The following MACROD2 variants were observed in gnomAD, a reference collection of about 807,000 sequenced individuals.
The protein encoded by MACROD2 is mono-ADP ribosylhydrolase 2.
In MACROD2, 36 loss-of-function variants were observed where a neutral mutation model predicts 70.4. That is an observed-to-expected ratio of 0.51 (90% confidence interval 0.39 to 0.68). MACROD2 has a LOEUF of 0.68. Among genes scored for constraint, MACROD2 ranks in the 30% least tolerant of loss-of-function variants. MACROD2 has a pLI of 0.00. For synonymous variants in MACROD2, 172 were observed against 178.8 expected (o/e 0.96, Z 0.30); for missense variants, 496 against 538.4 (o/e 0.92, Z 0.78).
chr20:15,368,724 A>C (rs900264780), intron 6 of MACROD2, among the ~76,000 whole-genome samples: 2 of 152,086 alleles, frequency 1.3e-5, no homozygotes, highest in Non-Finnish European at 2.9e-5. Context: ...TGTCCTCCCA[A>C]AATGCTGGGA....
chr20:14,855,615 T>TTG lies in MACROD2; in HGVS notation c.418+170657_418+170658insGT, dbSNP rs1188739012. ...CTACCAAGTTTTTTTTTTTTTTTTT[T>TTG]TTTTTTTTTTTTAATAAGGCACAGC... On this transcript the variant is annotated intron_variant, in intron 5 of 17. Transcript: ENST00000684519. 3.8e-4 allele frequency among the ~76,000 whole-genome samples: 56 copies of TTG among 147,912 alleles called. 1 individual carries two copies. The highest frequency in any genetic ancestry group is 1.0e-4 in the Non-Finnish European group (7 of 67,002).
chr20:15,576,526 G>A (rs1315477242), intron 8 of MACROD2, among the ~76,000 whole-genome samples: 1 of 149,296 alleles, frequency 6.7e-6, no homozygotes, highest in Admixed American at 6.8e-5. Context: ...CCACCAGACT[G>A]ACTAACTTTG....
chr20:15,471,821 C>T (rs2046967339), intron 7 of MACROD2, among the ~76,000 whole-genome samples: 1 of 152,008 alleles, frequency 6.6e-6, no homozygotes, highest in Admixed American at 6.5e-5. Flanking sequence ...CTACCTCTTT[C>T]TCCAGATTGA....
At chr20:15,236,490 T>C (rs943901538) in intron 6 of MACROD2, among the ~76,000 whole-genome samples, 5 of 152,156 alleles carry the variant, frequency 3.3e-5, no homozygotes, top group Non-Finnish European at 5.9e-5. Context: ...GTAATAAGAA[T>C]AGCAAATGTT....
At chr20:14,363,331 G>C (rs1024370659) in intron 3 of MACROD2, among the ~76,000 whole-genome samples, 6 of 152,020 alleles carry the variant, frequency 3.9e-5, no homozygotes, top group Non-Finnish European at 5.9e-5. Flanking sequence ...GAGTAGAGAG[G>C]GTAGATAGCT....
At chr20:15,744,954 CA>C (rs1568537117) in intron 8 of MACROD2, among the ~76,000 whole-genome samples, 1 of 151,694 alleles carries the variant, frequency 6.6e-6, no homozygotes, top group African/African-American at 2.4e-5. Context: ...TTATGTTCTA[CA>C]AAAAAAGATA....
intron 4 of MACROD2, among the ~76,000 whole-genome samples, chr20:14,504,527 C>G (rs1433573863): frequency 6.6e-6 from 1 of 152,126 alleles, no homozygotes; most frequent in Non-Finnish European, 1.5e-5. Flanking sequence ...TTATATGTCT[C>G]TAAACCTTCT....
At chr20:14,740,781 G>GTAA (rs1376708067) in intron 5 of MACROD2, among the ~76,000 whole-genome samples, 2 of 152,110 alleles carry the variant, frequency 1.3e-5, no homozygotes, top group Non-Finnish European at 1.5e-5. Context: ...CTTGGCTTTG[G>GTAA]TAAATATTAA....
intron 3 of MACROD2, chr20:14,223,001 A>G (rs775850520): frequency 3.3e-5 from 5 of 152,234 alleles, no homozygotes; most frequent in East Asian, 1.9e-4. Context: ...AGATATTTGT[A>G]TAGGCTTTGC....
At chr20:15,398,988 T>C (rs2045895661) in intron 6 of MACROD2, among the ~76,000 whole-genome samples, 1 of 152,136 alleles carries the variant, frequency 6.6e-6, no homozygotes, top group African/African-American at 2.4e-5. Context: ...CAGCTTCATA[T>C]TGTTGCTTCT....
At chr20:14,123,304 C>T (rs752530212) in intron 3 of MACROD2, among the ~76,000 whole-genome samples, 20 of 152,226 alleles carry the variant, frequency 1.3e-4, no homozygotes, top group Admixed American at 3.3e-4. Flanking sequence ...GTTACCTCTC[C>T]AATTTGCACT....
At chr20:14,185,585 A>G (rs979943111) in intron 3 of MACROD2, among the ~76,000 whole-genome samples, 3 of 152,188 alleles carry the variant, frequency 2.0e-5, no homozygotes, top group Non-Finnish European at 4.4e-5. Flanking sequence ...ATAACTATAC[A>G]TTTCATTAAT....
At chr20:15,327,622 C>T (rs1343906667) in intron 6 of MACROD2, among the ~76,000 whole-genome samples, 1 of 151,988 alleles carries the variant, frequency 6.6e-6, no homozygotes, top group Non-Finnish European at 1.5e-5. Context: ...TAACTGCCCC[C>T]ATGATTAAAT....
intron 4 of MACROD2, among the ~76,000 whole-genome samples, chr20:14,639,220 C>G (rs79015982): frequency 3.3e-5 from 5 of 151,596 alleles, no homozygotes; most frequent in African/African-American, 1.2e-4. Context: ...TCTAAGGTAA[C>G]CCTCTCCTTT....
chr20:14,049,702 G>A (rs112356525), intron 2 of MACROD2, among the ~76,000 whole-genome samples: 2,337 of 151,782 alleles, frequency 0.015, 20 homozygotes, highest in Non-Finnish European at 0.027. Context: ...ACAGTGAGCC[G>A]AGACTGTGCC....
chr20:15,682,443 A>G (rs2050172667), intron 8 of MACROD2, among the ~76,000 whole-genome samples: 1 of 152,214 alleles, frequency 6.6e-6, no homozygotes, highest in Non-Finnish European at 1.5e-5. Flanking sequence ...GAGAATGATT[A>G]GATTTTAATA....
chr20:14,822,922 C>T (rs1438573478), intron 5 of MACROD2, among the ~76,000 whole-genome samples: 2 of 152,026 alleles, frequency 1.3e-5, no homozygotes, highest in African/African-American at 2.4e-5. Context: ...CATTTGATTA[C>T]ATTTAGGCAA....
chr20:14,172,593 C>G (rs961335703), intron 3 of MACROD2, among the ~76,000 whole-genome samples: 2 of 152,204 alleles, frequency 1.3e-5, no homozygotes, highest in African/African-American at 2.4e-5. Context: ...GCATGAGCCA[C>G]TGCACCCAGC....
Position 14,175,931 on chromosome 20 carries a change from A to T in MACROD2, c.271+90203A>T, listed in dbSNP as rs557848679. 4.3e-4 allele frequency among the ~76,000 whole-genome samples: 66 copies of T among 152,312 alleles called. No individual in the cohort carries two copies. In the South Asian group the frequency reaches 0.013, roughly 31 times the overall value. On this transcript the variant is annotated intron_variant, in intron 3 of 17. Coordinates refer to ENST00000684519, the MANE Select transcript of MACROD2 (RefSeq NM_001351661.2). ...TGCCAACCTAATGTCTTATAGGCAA[A>T]TGAGGTTTAATCTTGTTGTCCTAAT...
Sources: gnomAD v4.1 joint callset for allele counts (sites outside exome capture counted in the v4.1 genomes callset) on GRCh38, gnomAD v4.1.1 for gene constraint, MANE v1.5 for transcripts, NCBI Gene and HGNC (gene_info 2026-07-23, HGNC 2026-07-21) for gene names.